Variants in OCM observed in about 807,000 individuals in gnomAD.
OCM encodes oncomodulin-1.
In OCM, 18 loss-of-function variants were observed where a neutral mutation model predicts 14.1. The ratio of observed to expected loss-of-function variants is 1.28; its 90% CI spans 0.88 to 1.89. The LOEUF (loss-of-function observed/expected upper bound fraction) is 1.89. Among genes scored for constraint, OCM ranks in the 40% most tolerant of loss-of-function variants. OCM has a pLI of 0.00. For missense variants in OCM, 140 were observed against 137.6 expected, an observed-to-expected ratio of 1.02 and a Z score of -0.09; for synonymous variants, 48 against 51.0, an observed-to-expected ratio of 0.94 and a Z score of 0.25.
At chr7:5,867,633 C>T in the OCM span, among the ~76,000 whole-genome samples, 1 of 152,082 alleles carries the variant, frequency 6.6e-6, no homozygotes. Context: ...GTATATTAGG[C>T]CACTTGAAGT....
chr7:5,867,836 A>G, the OCM span, among the ~76,000 whole-genome samples: 1 of 151,854 alleles, frequency 6.6e-6, no homozygotes, highest in Non-Finnish European at 1.5e-5. Flanking sequence ...ATCTTGGTTC[A>G]CTGCAGCCTT....
At chr7:5,860,825 TACAC>T in the OCM span, among the ~76,000 whole-genome samples, 3,154 of 142,320 alleles carry the variant, frequency 0.022, 49 homozygotes, top group Non-Finnish European at 0.033. Flanking sequence ...TACATATATA[TACAC>T]ACACACATAT....
At chr7:5,881,947 C>T (rs1781223247) in intron 1 of OCM, among the ~76,000 whole-genome samples, 1 of 151,684 alleles carries the variant, frequency 6.6e-6, no homozygotes, top group Non-Finnish European at 1.5e-5. Flanking sequence ...ATGAGCTGGG[C>T]ATGGGGGTGC....
chr7:5,875,793 T>G (rs1320660295), upstream of OCM, among the ~76,000 whole-genome samples: 1 of 151,874 alleles, frequency 6.6e-6, no homozygotes, highest in Admixed American at 6.6e-5. Flanking sequence ...CAACTTAATG[T>G]CAGAAACCTA....
Position 5,885,696 on chromosome 7 carries a change from C to T in OCM, c.305-368C>T, listed in dbSNP as rs535006582. On this transcript the variant is annotated intron_variant, in intron 3 of 3. Transcript: ENST00000242104. ...CGTGATTTCGGCTCACTGCAACCTCCGCCTCCCAGGTTCAAGTGATTCTCC... is the reference window on the plus strand; with the variant it reads ...CGTGATTTCGGCTCACTGCAACCTCTGCCTCCCAGGTTCAAGTGATTCTCC... Among the ~76,000 whole-genome samples the T allele has an allele frequency of 7.9e-5, 12 of 151,438 alleles. No individual in the cohort carries two copies. The South Asian group carries it at 2.3e-3, about 29-fold the overall frequency.
chr7:5,859,783 C>T, the OCM span, among the ~76,000 whole-genome samples: 5,546 of 151,966 alleles, frequency 0.036, 134 homozygotes, highest in Non-Finnish European at 0.053. Flanking sequence ...CTGCAACCTC[C>T]GCCTCCCGGG....
the OCM span, among the ~76,000 whole-genome samples, chr7:5,862,994 T>C: frequency 6.6e-6 from 1 of 152,144 alleles, no homozygotes; most frequent in Non-Finnish European, 1.5e-5. Context: ...GTTTATCTTA[T>C]GTAAAATGTA....
At chr7:5,864,989 T>C in the OCM span, among the ~76,000 whole-genome samples, 1 of 152,046 alleles carries the variant, frequency 6.6e-6, no homozygotes, top group Non-Finnish European at 1.5e-5. Context: ...GCAGGAATTT[T>C]GACTGGCATG....
chr7:5,865,339 T>A, the OCM span, among the ~76,000 whole-genome samples: 13 of 152,202 alleles, frequency 8.5e-5, no homozygotes, highest in Admixed American at 3.9e-4. Context: ...CTGGTTTTGC[T>A]TCTTAAAAAA....
rs1280452940 is a variant in OCM, at chr7:5,883,983, G to A, written c.288G>A (p.Gly96=). 1 of 1,612,812 alleles carries A rather than the reference G, an allele frequency of 6.2e-7. No homozygotes were observed. The highest frequency in any genetic ancestry group is 1.7e-5 in the Admixed American group (1 of 59,732). Residue 96 remains glycine (G), a synonymous_variant, in exon 3 of 4, where the codon GGG becomes GGA. Coordinates refer to ENST00000242104, the MANE Select transcript of OCM (RefSeq NM_001097622.2). ...CTGCGGCGGATAATGATGGAGATGG[G>A]AAAATTGGAGCAGAGGGTATGTCCA... ...LMAAADNDGD[G]KIGAEEFQEM...
the OCM span, among the ~76,000 whole-genome samples, chr7:5,864,094 C>T: frequency 6.6e-6 from 1 of 151,914 alleles, no homozygotes; most frequent in African/African-American, 2.4e-5. Flanking sequence ...AATCCCGGCA[C>T]TTTAGGAGGC....
chr7:5,859,719 G>A, the OCM span, among the ~76,000 whole-genome samples: 1,442 of 151,910 alleles, frequency 9.5e-3, 17 homozygotes, highest in Non-Finnish European at 0.016. Context: ...GTGTCTTTGA[G>A]ACAGTTTCGT....
Position 5,882,612 on chromosome 7 carries a change from G to A in OCM, c.181G>A (p.Glu61Lys), listed in dbSNP as rs990180455. ...IDNDQSGYLDEEELKFFLQKF... is the reference protein window; with the variant it reads ...IDNDQSGYLDKEELKFFLQKF... ...CAACGACCAGAGCGGGTACCTGGATGAAGAAGAGCTTAAGTAAGCTTTGTC... is the reference window on the plus strand; with the variant it reads ...CAACGACCAGAGCGGGTACCTGGATAAAGAAGAGCTTAAGTAAGCTTTGTC... Residue 61 changes from glutamate to lysine, a missense_variant, in exon 2 of 4, where the codon GAA becomes AAA. Physicochemically the swap from Glu to Lys is moderately conservative, Grantham distance 56. Coordinates refer to ENST00000242104, the MANE Select transcript of OCM (RefSeq NM_001097622.2). 1.2e-6 allele frequency: 2 copies of A among 1,614,008 alleles called. No individual in the cohort carries two copies. The highest frequency in any genetic ancestry group is 2.7e-5 in the African/African-American group (2 of 74,916).
At chr7:5,861,715 C>G in the OCM span, among the ~76,000 whole-genome samples, 1 of 152,038 alleles carries the variant, frequency 6.6e-6, no homozygotes, top group Non-Finnish European at 1.5e-5. Flanking sequence ...ATTGGCATCT[C>G]ATTGTGGTTT....
At chr7:5,869,395 C>G in the OCM span, among the ~76,000 whole-genome samples, 1 of 151,838 alleles carries the variant, frequency 6.6e-6, no homozygotes, top group Non-Finnish European at 1.5e-5. Context: ...GTCAGGAGGT[C>G]GAGACCAGCC....
rs1371958822 is a variant in OCM, at chr7:5,886,008, G to A, written c.305-56G>A. ...TTGGAATTCTCATTGGCCACGGCAC[G>A]TCTGTAAAGAACCAAGCCACCTCCA... On this transcript the variant is annotated intron_variant, in intron 3 of 3. Coordinates refer to ENST00000242104, the MANE Select transcript of OCM (RefSeq NM_001097622.2). The A allele has an allele frequency of 4.3e-5, 69 of 1,613,144 alleles. No individual in the cohort carries two copies. In the East Asian group the frequency reaches 6.5e-4, roughly 15 times the overall value.
chr7:5,872,783 T>C, the OCM span, among the ~76,000 whole-genome samples: 3 of 152,096 alleles, frequency 2.0e-5, no homozygotes, highest in African/African-American at 7.2e-5. Flanking sequence ...AGACCTTTGT[T>C]CACGTGTTTA....
At chr7:5,878,482 C>T (rs1781141446), upstream of OCM, among the ~76,000 whole-genome samples, 1 of 151,746 alleles carries the variant, frequency 6.6e-6, no homozygotes, top group Non-Finnish European at 1.5e-5. Flanking sequence ...CGCGGTGGCT[C>T]ACGCCTGTAA....
chr7:5,877,976 CTT>C (rs35122064), upstream of OCM, among the ~76,000 whole-genome samples: 1 of 145,038 alleles, frequency 6.9e-6, no homozygotes. Flanking sequence ...CAGTCAAACT[CTT>C]TTTTTTTTTT....
Sources: allele counts gnomAD v4.1 joint callset (sites outside exome capture counted in the v4.1 genomes callset), GRCh38; gene constraint gnomAD v4.1.1; transcripts MANE v1.5; gene names NCBI Gene and HGNC (gene_info 2026-07-23, HGNC 2026-07-21).